Variants in SLC35E3 observed in about 807,000 individuals in gnomAD.
The protein encoded by SLC35E3 is bladder cancer-overexpressed gene 1 protein.
Under a neutral mutation model 30.8 loss-of-function variants are expected in SLC35E3, and 28 were observed. The ratio of observed to expected loss-of-function variants is 0.91; its 90% CI spans 0.67 to 1.25. The LOEUF (loss-of-function observed/expected upper bound fraction) is 1.25, where lower values mean the gene tolerates loss of function less well. Ranked by LOEUF, SLC35E3 falls within the 50% of genes most tolerant of loss-of-function variation. SLC35E3 has a pLI of 0.00. For missense variants in SLC35E3, 365 were observed against 375.4 expected (o/e 0.97, Z 0.23); for synonymous variants, 146 against 149.2 (o/e 0.98, Z 0.16).
chr12:68,751,673 A>G (rs573040336), intron 2 of SLC35E3, among the ~76,000 whole-genome samples: 3 of 152,066 alleles, frequency 2.0e-5, no homozygotes, highest in Non-Finnish European at 4.4e-5. Context: ...TAATCACCTG[A>G]ATTTCTATTT....
intron 4 of SLC35E3, among the ~76,000 whole-genome samples, chr12:68,761,015 T>C (rs1879217047): frequency 2.0e-5 from 3 of 152,040 alleles, no homozygotes; most frequent in Non-Finnish European, 4.4e-5. Flanking sequence ...AGTTGCTCCA[T>C]GCAGATCAGG....
rs188565649 is a variant in SLC35E3, at chr12:68,764,729, T to C, written c.781T>C (p.Phe261Leu). 4 of 1,614,106 alleles carry C rather than the reference T, an allele frequency of 2.5e-6. No homozygotes were observed. The Admixed American group carries it at 5.0e-5, about 20-fold the overall frequency. The change falls in exon 5 of 5, where the codon TTC becomes CTC. Residue 261 changes from phenylalanine to leucine, a missense_variant. Transcript: ENST00000398004. ...VTYNMFGHFKFCITLFGGYVL... is the reference protein window; with the variant it reads ...VTYNMFGHFKLCITLFGGYVL... ...CTATAACATGTTCGGACACTTCAAGTTCTGCATTACTTTATTCGGAGGATA... is the reference window on the plus strand; with the variant it reads ...CTATAACATGTTCGGACACTTCAAGCTCTGCATTACTTTATTCGGAGGATA...
rs776108310 is a variant in SLC35E3 at position 68,746,354 on chromosome 12, G to C, written c.-24G>C. ...AGGCCCGGCGCCCCTTCCGAGGCTA[G>C]ACGGCCCCAGCTTCGCGGGGATCAT... On this transcript the variant is annotated 5_prime_UTR_variant, in exon 1 of 5. Coordinates refer to ENST00000398004, the MANE Select transcript of SLC35E3 (RefSeq NM_018656.5). 1.9e-6 allele frequency: 3 copies of C among 1,541,238 alleles called. No homozygotes were observed. Among genetic ancestry groups the C allele is most frequent in the Admixed American group, 2.0e-5 (1 of 50,098 alleles).
chr12:68,772,572 A>G lies in SLC35E3; in HGVS notation c.*7682A>G, dbSNP rs1879631033. On this transcript the variant is annotated 3_prime_UTR_variant, in exon 5 of 5. Transcript: ENST00000398004. ...TGAGTATTAGGGGAATGTTTTTGTT[A>G]TGCTGCTTTTAATTTGGAAAGCAGC... is the stretch of plus-strand genomic sequence containing the variant. 6.6e-6 allele frequency: 1 copy of G among 152,194 alleles called. No homozygotes were observed. The highest frequency in any genetic ancestry group is 2.1e-4 in the South Asian group (1 of 4,832). 9.4% of individuals were successfully genotyped at this position (152,194 alleles called of 1,614,324 possible).
At chr12:68,758,553 A>T (rs776143854) in intron 3 of SLC35E3, among the ~76,000 whole-genome samples, 1 of 152,080 alleles carries the variant, frequency 6.6e-6, no homozygotes, top group Non-Finnish European at 1.5e-5. Context: ...ATGCATATGT[A>T]TACTTTTTCT....
rs974781179 is a variant in SLC35E3, at chr12:68,746,522, G to C, written c.145G>C (p.Val49Leu). 1.9e-6 allele frequency: 3 copies of C among 1,614,144 alleles called. No individual in the cohort carries two copies. Among genetic ancestry groups the C allele is most frequent in the Non-Finnish European group, 1.7e-6 (2 of 1,180,044 alleles). Residue 49 changes from valine (V) to leucine (L), a missense_variant, in exon 1 of 5, where the codon GTG becomes CTG. By Grantham distance (32) the Val-to-Leu change is conservative. Coordinates refer to ENST00000398004, the MANE Select transcript of SLC35E3 (RefSeq NM_018656.5). ...HGFPNMSLTL[V>L]HFVVTWLGLY... ...CTTCCCCAACATGAGCCTGACCCTG[G>C]TGCACTTCGTGGTCACCTGGCTGGG...
intron 1 of SLC35E3, among the ~76,000 whole-genome samples, chr12:68,747,538 G>T (rs1048009508): frequency 1.3e-5 from 2 of 152,152 alleles, no homozygotes; most frequent in African/African-American, 4.8e-5. Flanking sequence ...AAAGCGCTGG[G>T]GTTACAGTGG....
intron 1 of SLC35E3, among the ~76,000 whole-genome samples, chr12:68,747,300 AC>A (rs1471866295): frequency 1.4e-5 from 2 of 143,598 alleles, no homozygotes; most frequent in African/African-American, 5.2e-5. Flanking sequence ...ACGGAATTTC[AC>A]TCTTGTTGCC....
At chr12:68,753,645 A>G (rs141644280) in intron 3 of SLC35E3, among the ~76,000 whole-genome samples, 2 of 152,014 alleles carry the variant, frequency 1.3e-5, no homozygotes, top group South Asian at 2.1e-4. Flanking sequence ...TGCTGTTTTT[A>G]TTGCAGATTC....
In SLC35E3 at chr12:68,761,461, C is replaced by A. The variant is rs116537667; in HGVS notation, c.755+2222C>A. ...TTGAGAATAGACTTAAGAAGGATTT[C>A]TCAACCTCTGGGCTGTTGACTTTTT... On this transcript the variant is annotated intron_variant, in intron 4 of 4. Transcript: ENST00000398004. 2.3e-3 allele frequency among the ~76,000 whole-genome samples: 354 copies of A among 152,308 alleles called. 1 individual carries two copies. The highest frequency in any genetic ancestry group is 8.4e-3 in the African/African-American group (348 of 41,566).
chr12:68,746,747 A>G lies in SLC35E3; in HGVS notation c.370A>G (p.Lys124Glu). Residue 124 changes from lysine to glutamate, a missense_variant, in exon 1 of 5, where the codon AAA (lysine) becomes GAA (glutamate). Physicochemically the swap from Lys to Glu is moderately conservative, Grantham distance 56 (BLOSUM62 1). Transcript: ENST00000398004. Reference sequence around the variant, plus strand: ...AGCCATCCAGACCTTCTGCTACCAGAAAACCTTCTCCACCAGAATCCAGCT... The same window carrying G: ...AGCCATCCAGACCTTCTGCTACCAGGAAACCTTCTCCACCAGAATCCAGCT... Reference protein sequence around the residue: ...IIAIQTFCYQKTFSTRIQLTL... With the variant: ...IIAIQTFCYQETFSTRIQLTL... 6.3e-7 allele frequency: 1 copy of G among 1,598,568 alleles called. No homozygotes were observed. The highest frequency in any genetic ancestry group is 2.2e-5 in the East Asian group (1 of 44,524).
chr12:68,759,280 A>G (rs768342431), intron 4 of SLC35E3, 41 bp downstream of exon 4: 1 of 1,476,056 alleles, frequency 6.8e-7, no homozygotes, highest in Non-Finnish European at 9.4e-7. Flanking sequence ...CGTCTTTTAT[A>G]TTTTCCAAAA....
At position 68,756,920 on chromosome 12, in the gene SLC35E3, C is replaced by T. The variant is rs1044241437; in HGVS notation, c.673-2237C>T. 7.9e-5 allele frequency among the ~76,000 whole-genome samples: 12 copies of T among 152,278 alleles called. No homozygotes were observed. In the South Asian group the frequency reaches 8.3e-4, roughly 11 times the overall value. On this transcript the variant is annotated intron_variant, in intron 3 of 4. Coordinates refer to ENST00000398004, the MANE Select transcript of SLC35E3 (RefSeq NM_018656.5). ...GTCTCAGCTACTTGGGACGCTGAGG[C>T]GGGAGAATGGCGTGAACCCGCGAGG...
Position 68,764,328 on chromosome 12 carries a change from G to A in SLC35E3, c.756-376G>A, listed in dbSNP as rs144545852. 7.4e-4 allele frequency among the ~76,000 whole-genome samples: 113 copies of A among 152,214 alleles called. No homozygotes were observed. The East Asian group carries it at 0.011, about 15-fold the overall frequency. Reference sequence around the variant, plus strand: ...TTTTTTTAGACAGTCTTGTTCTGTCGCCTGGACTAGAGTGCAGTTGTGCAT... The same window carrying A: ...TTTTTTTAGACAGTCTTGTTCTGTCACCTGGACTAGAGTGCAGTTGTGCAT... On this transcript the variant is annotated intron_variant, in intron 4 of 4. Coordinates refer to ENST00000398004, the MANE Select transcript of SLC35E3 (RefSeq NM_018656.5).
intron 3 of SLC35E3, among the ~76,000 whole-genome samples, chr12:68,758,727 T>C (rs1453131175): frequency 8.1e-6 from 1 of 122,818 alleles, no homozygotes; most frequent in African/African-American, 2.9e-5. Context: ...CAAATTCTCT[T>C]TCTTTTTTTT....
rs1405801964 is a variant in SLC35E3 at position 68,780,155 on chromosome 12, A to G, written c.*15265A>G. On this transcript the variant is annotated 3_prime_UTR_variant, in exon 5 of 5. Coordinates refer to ENST00000398004, the MANE Select transcript of SLC35E3 (RefSeq NM_018656.5). ...TTTTTAAATCTTAACAATTTCTAAA[A>G]TCACACTTTTTAATTTATTTTGTAT... 6.6e-6 allele frequency: 1 copy of G among 152,050 alleles called. No homozygotes were observed. The highest frequency in any genetic ancestry group is 2.4e-5 in the African/African-American group (1 of 41,412). The allele number at this position is 152,050 out of a possible 1,614,324, so 9.4% of individuals were successfully genotyped here.
Position 68,747,943 on chromosome 12 carries a change from T to G in SLC35E3, c.416T>G (p.Leu139Ter), listed in dbSNP as rs1337469589. Residue 139 changes from leucine to a stop codon, truncating the protein, a stop_gained, in exon 2 of 5, where the codon TTA becomes TGA. Coordinates refer to ENST00000398004, the MANE Select transcript of SLC35E3 (RefSeq NM_018656.5). LOFTEE classifies it high-confidence loss of function. ...RIQLTLIPIT[L>*]GVILNSYYDV... Reference sequence around the variant, plus strand: ...TTTTCGTTACAGATTCCTATAACTTTAGGTGTAATCCTAAATTCTTATTAC... The same window carrying G: ...TTTTCGTTACAGATTCCTATAACTTGAGGTGTAATCCTAAATTCTTATTAC... 1 of 1,573,530 alleles carries G rather than the reference T, an allele frequency of 6.4e-7. No homozygotes were observed.
rs1461270922 is a variant in SLC35E3, at chr12:68,746,580, C to T, written c.203C>T (p.Ala68Val). The change falls in exon 1 of 5, where the codon GCC becomes GTC. Residue 68 changes from alanine (A) to valine (V), a missense_variant. Ala to Val is a moderately conservative substitution (Grantham distance 64, BLOSUM62 0). Transcript: ENST00000398004. Reference sequence around the variant, plus strand: ...ATCTGCCAGAAGCTGGACATCTTTGCCCCCAAAAGTCTGCCGCCCTCCAGG... The same window carrying T: ...ATCTGCCAGAAGCTGGACATCTTTGTCCCCAAAAGTCTGCCGCCCTCCAGG... Reference protein sequence around the residue: ...LYICQKLDIFAPKSLPPSRLL... With the variant: ...LYICQKLDIFVPKSLPPSRLL... 2 of 1,614,012 alleles carry T rather than the reference C, an allele frequency of 1.2e-6. No homozygotes were observed. Among genetic ancestry groups the T allele is most frequent in the African/African-American group, 1.3e-5 (1 of 74,942 alleles).
In SLC35E3 at chr12:68,755,613, A is replaced by G. The variant is rs963646365; in HGVS notation, c.672+3423A>G. On this transcript the variant is annotated intron_variant, in intron 3 of 4. Coordinates refer to ENST00000398004, the MANE Select transcript of SLC35E3 (RefSeq NM_018656.5). ...ACAAGAAGCATTAGTGCTGGCATCT[A>G]CTTCTAGTGAGGGCCTCAGGAAGCT... Among the ~76,000 whole-genome samples, 11 of 152,130 alleles carry G rather than the reference A, an allele frequency of 7.2e-5. No individual in the cohort carries two copies. In the East Asian group the frequency reaches 1.9e-3, roughly 27 times the overall value.
Sources: allele counts gnomAD v4.1 joint callset (sites outside exome capture counted in the v4.1 genomes callset), GRCh38; gene constraint gnomAD v4.1.1; transcripts MANE v1.5; gene names NCBI Gene and HGNC (gene_info 2026-07-23, HGNC 2026-07-21).